The following BZW1 variants were observed in gnomAD, a reference collection of about 807,000 sequenced individuals.
BZW1 encodes the protein basic leucine zipper and W2 domains 1.
Under a neutral mutation model 54.1 loss-of-function variants are expected in BZW1, and 3 were observed. The observed-to-expected ratio is 0.06, with a 90% CI of 0.03 to 0.14. The LOEUF is 0.14. Among genes scored for constraint, BZW1 ranks in the 10% least tolerant of loss-of-function variants. BZW1 has a pLI of 1.00. For synonymous variants in BZW1, 152 were observed against 162.7 expected, an observed-to-expected ratio of 0.93 and a Z score of 0.50; for missense variants, 206 against 491.7, an observed-to-expected ratio of 0.42 and a Z score of 5.50.
At chr2:200,813,173 G>A in intron 1 of BZW1, 35 bp from the exon 2 acceptor site, 3 of 1,549,644 alleles carry the variant, frequency 1.9e-6, no homozygotes, top group Non-Finnish European at 2.7e-6. Context: ...TAGTATTATG[G>A]CACTGATATT....
Position 200,827,196 on chromosome 2 carries a change from C to T in BZW1, c.*5018C>T, listed in dbSNP as rs1447452625. On this transcript the variant is annotated 3_prime_UTR_variant, in exon 12 of 12. Coordinates refer to ENST00000409600, the MANE Select transcript of BZW1 (RefSeq NM_001207067.2). ...CTGGTAACTCATTTAGCTCTTGGCA[C>T]TCTAAAAAACCTCAAATACAGCCAT... 1 of 152,160 alleles carries T rather than the reference C, an allele frequency of 6.6e-6. No individual in the cohort carries two copies. Among genetic ancestry groups the T allele is most frequent in the Non-Finnish European group, 1.5e-5 (1 of 68,030 alleles). The allele number at this position is 152,160 out of a possible 1,614,324, so 9.4% of individuals were successfully genotyped here. A position where few individuals can be genotyped will look rare whatever the true frequency, so the allele number is the denominator to read the frequency against.
Position 200,826,405 on chromosome 2 carries a change from ATATTTTTT to A in BZW1, c.*4229_*4236del, listed in dbSNP as rs1248287466. On this transcript the variant is annotated 3_prime_UTR_variant, in exon 12 of 12. Transcript: ENST00000409600. ...GATAGATAGATAGATAGATAGATAG[ATATTTTTT>A]TTTTTTTTTTTTTTTTTTTTTTTTT... The A allele has an allele frequency of 9.9e-4, 48 of 48,730 alleles. No individual in the cohort carries two copies. Among genetic ancestry groups the A allele is most frequent in the African/African-American group, 4.1e-3 (48 of 11,676 alleles). The allele number at this position is 48,730 out of a possible 1,614,324, so 3.0% of individuals were successfully genotyped here.
At chr2:200,812,293 G>A (rs2038097666) in intron 1 of BZW1, 5 of 1,232,672 alleles carry the variant, frequency 4.1e-6, no homozygotes, top group Non-Finnish European at 5.1e-6. Context: ...AAGCCGCCGC[G>A]GCCTCTGTTG....
In BZW1 at chr2:200,824,339, T is replaced by C. The variant is rs751466449; in HGVS notation, c.*2161T>C. The C allele has an allele frequency of 3.9e-5, 6 of 152,312 alleles. No homozygotes were observed. The highest frequency in any genetic ancestry group is 1.4e-4 in the African/African-American group (6 of 41,568). The allele number at this position is 152,312 out of a possible 1,614,324, so 9.4% of individuals were successfully genotyped here. A position where few individuals can be genotyped will look rare whatever the true frequency, so the allele number is the denominator to read the frequency against. ...GGCCTCAAGTATGTAATTCTTAATA[T>C]AGATGTTAAATTGTACTTTTAATTA... is the stretch of plus-strand genomic sequence containing the variant. On this transcript the variant is annotated 3_prime_UTR_variant, in exon 12 of 12. Coordinates refer to ENST00000409600, the MANE Select transcript of BZW1 (RefSeq NM_001207067.2).
At chr2:200,812,349 G>A (rs1344496849) in intron 1 of BZW1, 4 of 1,270,630 alleles carry the variant, frequency 3.1e-6, no homozygotes, top group Non-Finnish European at 4.0e-6. Context: ...CGGAGGGGCT[G>A]CCACCCACCA....
At chr2:200,821,867 ATG>A (rs2038530847) in intron 11 of BZW1, among the ~76,000 whole-genome samples, 1 of 152,194 alleles carries the variant, frequency 6.6e-6, no homozygotes, top group Non-Finnish European at 1.5e-5. Context: ...GGCCAGGAGT[ATG>A]AGGCCAGCCT....
In BZW1 at chr2:200,818,762, T is replaced by C; in HGVS notation, c.827T>C (p.Leu276Ser). The stretch of plus-strand genomic sequence containing the variant: ...ATTTGGATTCATTTGCAGATAATTT[T>C]ATATGTCAAGGAGGAGATGAAAAAA... ...SRGDPFKDII[L>S]YVKEEMKKNN... Residue 276 changes from leucine to serine, a missense_variant, in exon 9 of 12, where the codon TTA becomes TCA. Leu to Ser is a moderately radical substitution (Grantham distance 145). Around this residue, in one of 5 missense-constraint regions of BZW1, gnomAD observed 31 missense variants for 29.1 expected, o/e 1.07. Coordinates refer to ENST00000409600, the MANE Select transcript of BZW1 (RefSeq NM_001207067.2). The C allele has an allele frequency of 6.3e-7, 1 of 1,579,114 alleles. No individual in the cohort carries two copies. Among genetic ancestry groups the C allele is most frequent in the Non-Finnish European group, 8.5e-7 (1 of 1,171,430 alleles).
At chr2:200,812,220 C>T (rs2038092173) in intron 1 of BZW1, 16 of 1,227,562 alleles carry the variant, frequency 1.3e-5, no homozygotes, top group Non-Finnish European at 1.6e-5. Flanking sequence ...TGCGCCGCGG[C>T]GCTGGCTGCG....
intron 6 of BZW1, 150 bp from the exon 7 acceptor site, chr2:200,817,824 A>G: frequency 1.7e-6 from 1 of 575,068 alleles, no homozygotes; most frequent in Non-Finnish European, 3.0e-6. Context: ...TGGAGAAGTG[A>G]TAAACTGTGG....
At chr2:200,816,889 G>A (rs2038315711) in intron 5 of BZW1, among the ~76,000 whole-genome samples, 2 of 152,146 alleles carry the variant, frequency 1.3e-5, no homozygotes, top group South Asian at 2.1e-4. Flanking sequence ...AACCCTGTGA[G>A]GCAAGTTTTA....
Position 200,825,616 on chromosome 2 carries a change from T to G in BZW1, c.*3438T>G, listed in dbSNP as rs1559317975. ...CAGACAAAGCATTTCCTGCTGTCTT[T>G]CAAGGTCTTAACAGATTCTTTCTTG... is the stretch of plus-strand genomic sequence containing the variant. On this transcript the variant is annotated 3_prime_UTR_variant, in exon 12 of 12. Coordinates refer to ENST00000409600, the MANE Select transcript of BZW1 (RefSeq NM_001207067.2). 1 of 152,230 alleles carries G rather than the reference T, an allele frequency of 6.6e-6. No homozygotes were observed. Among genetic ancestry groups the G allele is most frequent in the South Asian group, 2.1e-4 (1 of 4,836 alleles). 9.4% of individuals were successfully genotyped at this position (152,230 alleles called of 1,614,324 possible). A position where few individuals can be genotyped will look rare whatever the true frequency, so the allele number is the denominator to read the frequency against.
intron 9 of BZW1, chr2:200,819,123 G>C (rs953928225): frequency 5.7e-6 from 3 of 524,876 alleles, no homozygotes; most frequent in Non-Finnish European, 9.6e-6. Flanking sequence ...CAGGCACAAT[G>C]GCTCACGCCT....
rs1250064376 is a variant in BZW1 at position 200,827,058 on chromosome 2, C to G, written c.*4880C>G. Reference sequence around the variant, plus strand: ...TCTATGACTTCAAAAAGATACTCAACAGTCTCTGGCATTTGAAGAACAAAA... The same window carrying G: ...TCTATGACTTCAAAAAGATACTCAAGAGTCTCTGGCATTTGAAGAACAAAA... On this transcript the variant is annotated 3_prime_UTR_variant, in exon 12 of 12. Coordinates refer to ENST00000409600, the MANE Select transcript of BZW1 (RefSeq NM_001207067.2). The G allele has an allele frequency of 6.6e-6, 1 of 151,922 alleles. No homozygotes were observed. The highest frequency in any genetic ancestry group is 2.4e-5 in the African/African-American group (1 of 41,348). 9.4% of individuals were successfully genotyped at this position (151,922 alleles called of 1,614,324 possible).
At chr2:200,815,896 G>A in intron 4 of BZW1, 135 bp downstream of exon 4, 3 of 848,406 alleles carry the variant, frequency 3.5e-6, no homozygotes, top group Non-Finnish European at 5.3e-6. Flanking sequence ...ACTGTTCTTG[G>A]TGCAACGGGA....
chr2:200,821,993 C>A (rs1021555165), intron 11 of BZW1, among the ~76,000 whole-genome samples, 154 bp from the exon 12 acceptor site: 3 of 152,072 alleles, frequency 2.0e-5, no homozygotes, highest in Non-Finnish European at 2.9e-5. Context: ...CACTTGAACC[C>A]GGGAGGCAGA....
chr2:200,821,063 T>C, intron 10 of BZW1, 120 bp from the exon 11 acceptor site: 1 of 1,200,734 alleles, frequency 8.3e-7, no homozygotes, highest in Non-Finnish European at 1.2e-6. Flanking sequence ...CCATTTCTCA[T>C]GGATGTTTTT....
chr2:200,819,290 T>C (rs1310293224), intron 9 of BZW1, among the ~76,000 whole-genome samples: 1 of 152,162 alleles, frequency 6.6e-6, no homozygotes, highest in Non-Finnish European at 1.5e-5. Context: ...CTCAGGAGGC[T>C]GAGGCAGAGG....
At chr2:200,819,048 CTAT>C in intron 9 of BZW1, 147 bp downstream of exon 9, 1 of 934,316 alleles carries the variant, frequency 1.1e-6, no homozygotes, top group Non-Finnish European at 1.5e-6. Context: ...GTAACATTAG[CTAT>C]TGATGATAAT....
chr2:200,817,066 C>A, intron 5 of BZW1, 40 bp from the exon 6 acceptor site: 1 of 1,600,694 alleles, frequency 6.2e-7, no homozygotes, highest in Non-Finnish European at 8.5e-7. Flanking sequence ...TATTGTAATG[C>A]AGTTGCTGTT....
Sources: allele counts gnomAD v4.1 joint callset (sites outside exome capture counted in the v4.1 genomes callset), GRCh38; gene constraint gnomAD v4.1.1; regional missense constraint gnomAD v4.1.1; transcripts MANE v1.5; gene names NCBI Gene and HGNC (gene_info 2026-07-23, HGNC 2026-07-21).